The following GPC5 variants were observed in gnomAD, a reference collection of about 807,000 sequenced individuals.
GPC5 encodes glypican 5.
GPC5 carries 47 observed loss-of-function variants against 53.9 expected under a neutral mutation model. That is an observed-to-expected ratio of 0.87 (90% confidence interval 0.69 to 1.11). GPC5 has a LOEUF of 1.11. GPC5 is among the 50% of genes most tolerant of loss of function. The pLI is 0.00. For missense variants in GPC5, 748 were observed against 713.1 expected, an observed-to-expected ratio of 1.05 and a Z score of -0.56; for synonymous variants, 286 against 263.3, an observed-to-expected ratio of 1.09 and a Z score of -0.84.
At chr13:91,572,774 C>T (rs1056862009) in intron 2 of GPC5, among the ~76,000 whole-genome samples, 17 of 151,870 alleles carry the variant, frequency 1.1e-4, no homozygotes, top group African/African-American at 4.1e-4. Context: ...CACAGTCCTT[C>T]CCAAAAAAAG....
rs1184138774 is a variant in GPC5 at position 92,556,017 on chromosome 13, G to A, written c.1562-310265G>A. Among the ~76,000 whole-genome samples, 11 of 151,558 alleles carry A rather than the reference G, an allele frequency of 7.3e-5. 1 individual carries two copies. Among genetic ancestry groups the A allele is most frequent in the Admixed American group, 7.3e-4 (11 of 15,162 alleles). On this transcript the variant is annotated intron_variant, in intron 7 of 7. Coordinates refer to ENST00000377067, the MANE Select transcript of GPC5 (RefSeq NM_004466.6). ...CTGGGCTGTGGCTGAATCACTTTCA[G>A]TAACTTTATTTGATTTTATTCATGA... is the stretch of plus-strand genomic sequence containing the variant.
At chr13:92,164,978 C>G (rs1005902940) in intron 7 of GPC5, among the ~76,000 whole-genome samples, 1 of 152,244 alleles carries the variant, frequency 6.6e-6, no homozygotes, top group Non-Finnish European at 1.5e-5. Context: ...TTAGCCACAG[C>G]TGGGAGACAG....
chr13:91,597,981 C>A (rs557911158), intron 2 of GPC5, among the ~76,000 whole-genome samples: 1 of 152,088 alleles, frequency 6.6e-6, no homozygotes, highest in African/African-American at 2.4e-5. Context: ...CTGTTTCACC[C>A]AGAACACTTT....
At chr13:92,581,932 TTA>T (rs1032214891) in intron 7 of GPC5, among the ~76,000 whole-genome samples, 17 of 152,298 alleles carry the variant, frequency 1.1e-4, no homozygotes, top group African/African-American at 4.1e-4. Context: ...TTTGAGTTCC[TTA>T]TATATTTTGG....
intron 6 of GPC5, among the ~76,000 whole-genome samples, chr13:91,982,065 A>T (rs2040364969): frequency 6.6e-6 from 1 of 152,138 alleles, no homozygotes; most frequent in Non-Finnish European, 1.5e-5. Flanking sequence ...AAAAATCCAT[A>T]GAGAGCTGGA....
At chr13:92,207,844 T>A (rs1165122405) in intron 7 of GPC5, among the ~76,000 whole-genome samples, 2 of 152,230 alleles carry the variant, frequency 1.3e-5, no homozygotes, top group African/African-American at 2.4e-5. Context: ...GCGCTTATAG[T>A]ACTCTGAACA....
chr13:91,809,809 G>A (rs879907684), intron 5 of GPC5, among the ~76,000 whole-genome samples: 5 of 151,808 alleles, frequency 3.3e-5, no homozygotes, highest in South Asian at 2.1e-4. Flanking sequence ...AAAAATTCTC[G>A]TGAATATGTG....
At chr13:92,394,901 G>A (rs1024746277) in intron 7 of GPC5, among the ~76,000 whole-genome samples, 2 of 152,042 alleles carry the variant, frequency 1.3e-5, no homozygotes, top group East Asian at 1.9e-4. Flanking sequence ...GTAGACAAAT[G>A]TCATTGCTTT....
intron 7 of GPC5, among the ~76,000 whole-genome samples, chr13:92,256,276 A>G (rs2042725916): frequency 6.6e-6 from 1 of 152,022 alleles, no homozygotes; most frequent in African/African-American, 2.4e-5. Context: ...ATATGGGACT[A>G]TATAACTTAT....
At chr13:92,455,684 A>T (rs1878237545) in intron 7 of GPC5, among the ~76,000 whole-genome samples, 1 of 152,140 alleles carries the variant, frequency 6.6e-6, no homozygotes, top group Admixed American at 6.5e-5. Flanking sequence ...AAATTTAAAA[A>T]CACTTTTACT....
chr13:91,762,874 G>T (rs924443509), intron 5 of GPC5, among the ~76,000 whole-genome samples: 1 of 151,962 alleles, frequency 6.6e-6, no homozygotes, highest in African/African-American at 2.4e-5. Flanking sequence ...TGAATCTTAG[G>T]GGTATGAATC....
At chr13:92,182,214 C>T (rs2042151951) in intron 7 of GPC5, among the ~76,000 whole-genome samples, 1 of 152,100 alleles carries the variant, frequency 6.6e-6, no homozygotes, top group African/African-American at 2.4e-5. Context: ...TTATTCCTCC[C>T]TTACAGCTAT....
intron 7 of GPC5, among the ~76,000 whole-genome samples, chr13:92,277,271 G>A (rs115807008): frequency 2.6e-5 from 4 of 152,012 alleles, no homozygotes; most frequent in African/African-American, 7.2e-5. Context: ...AGAAGGGAAA[G>A]TCTAAGATTG....
intron 7 of GPC5, among the ~76,000 whole-genome samples, chr13:92,593,448 T>C (rs1015901918): frequency 9.9e-5 from 15 of 151,128 alleles, no homozygotes; most frequent in Admixed American, 2.0e-4. Context: ...ACATAAAATG[T>C]TAATGTTTAT....
chr13:92,121,375 A>G (rs1236854864), intron 6 of GPC5, among the ~76,000 whole-genome samples: 1 of 152,176 alleles, frequency 6.6e-6, no homozygotes, highest in Non-Finnish European at 1.5e-5. Context: ...CTCTTTGAGA[A>G]GTCACACAAA....
Position 92,056,487 on chromosome 13 carries a change from G to A in GPC5, c.1402-88343G>A, listed in dbSNP as rs950906664. On this transcript the variant is annotated intron_variant, in intron 6 of 7. Coordinates refer to ENST00000377067, the MANE Select transcript of GPC5 (RefSeq NM_004466.6). The stretch of plus-strand genomic sequence containing the variant: ...TTTGGGGGAGGGGGAGCATGACTCT[G>A]TTTACCACAATCGTGTTTCTTTTTC... 3.9e-5 allele frequency among the ~76,000 whole-genome samples: 6 copies of A among 152,046 alleles called. No homozygotes were observed. In the East Asian group the frequency reaches 1.2e-3, roughly 29 times the overall value.
At chr13:91,442,047 G>C (rs1236074486) in intron 1 of GPC5, among the ~76,000 whole-genome samples, 1 of 152,174 alleles carries the variant, frequency 6.6e-6, no homozygotes, top group Admixed American at 6.5e-5. Flanking sequence ...AATAAATGGA[G>C]AATGTGTGTT....
At chr13:92,315,988 T>C (rs576182486) in intron 7 of GPC5, among the ~76,000 whole-genome samples, 2 of 152,264 alleles carry the variant, frequency 1.3e-5, no homozygotes, top group African/African-American at 2.4e-5. Flanking sequence ...TCATGTATAA[T>C]ATTTAAATAA....
chr13:92,162,525 A>C (rs992394731), intron 7 of GPC5, among the ~76,000 whole-genome samples: 1 of 152,210 alleles, frequency 6.6e-6, no homozygotes, highest in African/African-American at 2.4e-5. Context: ...ATCATCTGAC[A>C]CCTGAAGAAG....
Sources: allele counts gnomAD v4.1 joint callset (sites outside exome capture counted in the v4.1 genomes callset), GRCh38; gene constraint gnomAD v4.1.1; transcripts MANE v1.5; gene names NCBI Gene and HGNC (gene_info 2026-07-23, HGNC 2026-07-21).